The following RYR1 variants were observed in gnomAD, a reference collection of about 807,000 sequenced individuals.
The protein encoded by RYR1 is ryanodine receptor 1.
A neutral mutation model predicts 583.5 loss-of-function variants in RYR1; 342 were observed. That is an observed-to-expected ratio of 0.59 (90% CI 0.54 to 0.64). The LOEUF is 0.64. Among genes scored for constraint, RYR1 ranks in the 30% least tolerant of loss-of-function variants. The pLI is 0.00. For missense variants in RYR1, 6,032 were observed against 6,917.2 expected (o/e 0.87, Z 4.54); for synonymous variants, 2,791 against 2,822.5 (o/e 0.99, Z 0.35).
Position 38,580,009 on chromosome 19 carries a change from G to A in RYR1, c.14392G>A (p.Val4798Met), listed in dbSNP as rs1974126791. 2 of 1,614,014 alleles carry A rather than the reference G, an allele frequency of 1.2e-6. No individual in the cohort carries two copies. The highest frequency in any genetic ancestry group is 2.2e-5 in the East Asian group (1 of 44,884). ...CTTCCTGTACCTGGGCTGGTATATG[G>A]TGATGTCCCTCTTGGGACACTACAA... is the stretch of plus-strand genomic sequence containing the variant. ...NSFLYLGWYM[V>M]MSLLGHYNNF... The change falls in exon 100 of 106, where the codon GTG becomes ATG. Residue 4798 changes from valine to methionine, a missense_variant. By Grantham distance (21) the Val-to-Met change is conservative (BLOSUM62 1). This residue lies in a region of RYR1 where 189 missense variants were observed against 350.3 expected (regional missense o/e 0.54). Transcript: ENST00000359596.
chr19:38,527,800 G>A lies in RYR1; in HGVS notation c.10824+16G>A, dbSNP rs997756810. 3.1e-6 allele frequency: 5 copies of A among 1,613,776 alleles called. No homozygotes were observed. The highest frequency in any genetic ancestry group is 4.2e-6 in the Non-Finnish European group (5 of 1,179,872). On this transcript the variant is annotated intron_variant, in intron 73 of 105. Coordinates refer to ENST00000359596, the MANE Select transcript of RYR1 (RefSeq NM_000540.3). The stretch of plus-strand genomic sequence containing the variant: ...CCTGGACCAGGTGGGTGGGGCCGGA[G>A]GGGTCTTTCTACTGGGTCTCTGGGC...
intron 20 of RYR1, 39 bp downstream of exon 20, chr19:38,460,630 G>T (rs1025026817): frequency 1.9e-6 from 3 of 1,574,124 alleles, no homozygotes; most frequent in African/African-American, 1.3e-5. Flanking sequence ...GCGAGGCAGG[G>T]TCTCTTAGGA....
chr19:38,555,545 T>C (rs1972845843), intron 89 of RYR1, among the ~76,000 whole-genome samples: 1 of 151,640 alleles, frequency 6.6e-6, no homozygotes, highest in Admixed American at 6.6e-5. Context: ...AACCACAATG[T>C]CATCACTCCT....
chr19:38,545,971 C>T (rs1006613878), intron 87 of RYR1, among the ~76,000 whole-genome samples: 1 of 152,180 alleles, frequency 6.6e-6, no homozygotes, highest in Admixed American at 6.5e-5. Flanking sequence ...AGACGGCTTA[C>T]CAGAAAGCAC....
At position 38,499,786 on chromosome 19, in the gene RYR1, T is replaced by C; in HGVS notation, c.7179T>C (p.Asp2393=). 6.2e-7 allele frequency: 1 copy of C among 1,604,214 alleles called. No individual in the cohort carries two copies. Among genetic ancestry groups the C allele is most frequent in the Non-Finnish European group, 8.5e-7 (1 of 1,179,170 alleles). ...AIRISEDPAR[D]GPGIRRDRRR... is the part of the protein sequence containing the mutation. ...GCATCTCCGAGGACCCTGCGAGGGA[T>C]GGCCCAGGCATCCGCAGGGACCGGC... is the stretch of plus-strand genomic sequence containing the variant. Residue 2393 remains aspartate, a synonymous_variant, in exon 44 of 106, where the codon GAT becomes GAC. Transcript: ENST00000359596. This position sits in a 1 kb window ranked among gnomAD's most constrained non-coding sequence, Gnocchi z 7.3.
intron 31 of RYR1, among the ~76,000 whole-genome samples, chr19:38,479,625 C>G (rs1568477341): frequency 6.6e-6 from 1 of 152,174 alleles, no homozygotes; most frequent in South Asian, 2.1e-4. Context: ...ATTGTCCAGG[C>G]TGGTCTCTCG....
chr19:38,576,034 G>A, intron 97 of RYR1, 73 bp downstream of exon 97: 3 of 1,559,936 alleles, frequency 1.9e-6, no homozygotes, highest in South Asian at 2.2e-5. Flanking sequence ...GGCCTGCCAA[G>A]CACTTGCTTG....
chr19:38,465,050 G>A (rs891203788), intron 23 of RYR1, among the ~76,000 whole-genome samples: 1 of 152,122 alleles, frequency 6.6e-6, no homozygotes, highest in Admixed American at 6.6e-5. Context: ...AGAATCTGGA[G>A]GTCGTTGGAG....
chr19:38,577,799 A>AC lies in RYR1; in HGVS notation c.14173-119_14173-118insC, dbSNP rs1166901834. 2.8e-6 allele frequency: 4 copies of AC among 1,405,328 alleles called. No homozygotes were observed. The African/African-American group carries it at 5.8e-5, about 20-fold the overall frequency. The allele number at this position is 1,405,328 out of a possible 1,614,324, so 87.1% of individuals were successfully genotyped here. A position where few individuals can be genotyped will look rare whatever the true frequency, so the allele number is the denominator to read the frequency against. ...TGACAGAGGGAGACTGTCTCAAAAA[A>AC]AAAAATGCACCTCCCATTTCTCACT... On this transcript the variant is annotated intron_variant, in intron 97 of 105. Transcript: ENST00000359596.
chr19:38,564,211 T>C (rs1427068465), intron 90 of RYR1, among the ~76,000 whole-genome samples: 1 of 152,068 alleles, frequency 6.6e-6, no homozygotes. Context: ...AGACCCTGTC[T>C]CTGCAAAAAA....
chr19:38,496,727 G>A lies in RYR1; in HGVS notation c.6797-133G>A. ...CAATAGTGACAGCCCAGAGTGGTCA[G>A]AGCTTGGATGAGGGAAGTACAGACC... On this transcript the variant is annotated intron_variant, in intron 41 of 105. Coordinates refer to ENST00000359596, the MANE Select transcript of RYR1 (RefSeq NM_000540.3). This position sits in a 1 kb window ranked among gnomAD's most constrained non-coding sequence, Gnocchi z 4.8. The A allele has an allele frequency of 4.4e-6, 5 of 1,134,560 alleles. No individual in the cohort carries two copies. The highest frequency in any genetic ancestry group is 1.9e-5 in the Admixed American group (1 of 53,688). 70.3% of individuals were successfully genotyped at this position (1,134,560 alleles called of 1,614,324 possible).
In RYR1 at chr19:38,446,819, C is replaced by A. The variant is rs944308153; in HGVS notation, c.800+51C>A. 3.4e-6 allele frequency: 5 copies of A among 1,480,160 alleles called. No homozygotes were observed. In the Admixed American group the frequency reaches 6.8e-5, roughly 20 times the overall value. 91.7% of individuals were successfully genotyped at this position (1,480,160 alleles called of 1,614,324 possible). A position where few individuals can be genotyped will look rare whatever the true frequency, so the allele number is the denominator to read the frequency against. On this transcript the variant is annotated intron_variant, in intron 9 of 105. Transcript: ENST00000359596. ...CCAGGGAGAGGCTGGGGTCACCTGG[C>A]AGGCTGGGAGGACAGAAAAGGTCTT...
chr19:38,530,987 C>CTTTTTTTTTTTTTTTTTTTTTT (rs59244176), intron 76 of RYR1, among the ~76,000 whole-genome samples: 3 of 129,378 alleles, frequency 2.3e-5, no homozygotes, highest in Non-Finnish European at 3.2e-5. Context: ...TTTTCTTTCT[C>CTTTTTTTTTTTTTTTTTTTTTT]TTTTTTTTTT....
rs193922773 is a variant in RYR1 at position 38,457,583 on chromosome 19, T to C, written c.1878T>C (p.Pro626=). 11 of 1,614,202 alleles carry C rather than the reference T, an allele frequency of 6.8e-6. No individual in the cohort carries two copies. The East Asian group carries it at 2.2e-4, about 33-fold the overall frequency. The part of the protein sequence containing the change: ...NQDLITENLL[P]GRELLLQTNL... ...ATCTTATTACTGAGAACTTGCTGCC[T>C]GGCCGTGAGCTTCTGCTGCAGACAA... The change falls in exon 17 of 106, where the codon CCT becomes CCC. Residue 626 remains proline, a synonymous_variant. Transcript: ENST00000359596.
chr19:38,527,139 G>A, intron 72 of RYR1, 87 bp downstream of exon 72: 1 of 1,472,932 alleles, frequency 6.8e-7, no homozygotes, highest in Non-Finnish European at 9.4e-7. Context: ...CCAAAGACCA[G>A]GCATTGAAGA....
chr19:38,494,694 A>G (rs999672775), intron 39 of RYR1, 69 bp downstream of exon 39: 1 of 1,590,694 alleles, frequency 6.3e-7, no homozygotes, highest in African/African-American at 1.3e-5. Flanking sequence ...GGATACAATA[A>G]CATTCCCTTC....
intron 97 of RYR1, 93 bp from the exon 98 acceptor site, chr19:38,577,825 C>CA (rs1472135070): frequency 1.3e-6 from 2 of 1,537,474 alleles, no homozygotes; most frequent in African/African-American, 2.8e-5. Flanking sequence ...ATTTCTCACT[C>CA]AGAGTTTGGA....
At chr19:38,475,826 T>C (rs1968693519) in intron 29 of RYR1, among the ~76,000 whole-genome samples, 1 of 152,206 alleles carries the variant, frequency 6.6e-6, no homozygotes, top group Non-Finnish European at 1.5e-5. Context: ...AAATTCATAA[T>C]TGTCTTAATA....
intron 13 of RYR1, among the ~76,000 whole-genome samples, chr19:38,454,666 C>G (rs1743391712): frequency 6.6e-6 from 1 of 151,884 alleles, no homozygotes; most frequent in Admixed American, 6.6e-5. Flanking sequence ...TTTGATAATT[C>G]AGTCTTCATA....
Sources: allele counts gnomAD v4.1 joint callset (sites outside exome capture counted in the v4.1 genomes callset), GRCh38; gene constraint gnomAD v4.1.1; regional missense constraint gnomAD v4.1.1; non-coding constraint Gnocchi (gnomAD v3.1); transcripts MANE v1.5; gene names NCBI Gene and HGNC (gene_info 2026-07-23, HGNC 2026-07-21).